MOSMO: variants seen among roughly 807,000 people sequenced by gnomAD.
The protein encoded by MOSMO is modulator of smoothened protein.
MOSMO carries 5 observed loss-of-function variants against 18.4 expected under a neutral mutation model. The ratio of observed to expected loss-of-function variants is 0.27; its 90% CI spans 0.14 to 0.57. The LOEUF (loss-of-function observed/expected upper bound fraction) is 0.57. Ranked by LOEUF, MOSMO falls within the 20% of genes least tolerant of loss-of-function variation. The pLI, the probability that MOSMO is intolerant of heterozygous loss-of-function variation, is 0.92. For synonymous variants in MOSMO, 82 were observed against 82.3 expected (o/e 1.00, Z 0.02); for missense variants, 138 against 211.8 (o/e 0.65, Z 2.16).
chr16:22,055,514 A>AAGG (rs1320727982), intron 1 of MOSMO, among the ~76,000 whole-genome samples: 1 of 152,198 alleles, frequency 6.6e-6, no homozygotes, highest in African/African-American at 2.4e-5. Flanking sequence ...CAAACTTTTA[A>AAGG]AGGAACTAGC....
At chr16:22,088,129 T>G (rs1901222162), downstream of MOSMO, among the ~76,000 whole-genome samples, 1 of 152,048 alleles carries the variant, frequency 6.6e-6, no homozygotes. Context: ...GCTCAAGCGA[T>G]TCACCCACCT....
At chr16:22,020,365 G>C (rs1899733073) in intron 1 of MOSMO, among the ~76,000 whole-genome samples, 1 of 145,358 alleles carries the variant, frequency 6.9e-6, no homozygotes, top group African/African-American at 2.5e-5. Flanking sequence ...CTTGATCTCG[G>C]ATCACTGCAA....
downstream of MOSMO, among the ~76,000 whole-genome samples, chr16:22,086,394 C>T (rs1465835268): frequency 1.3e-5 from 2 of 152,178 alleles, no homozygotes; most frequent in African/African-American, 4.8e-5. Flanking sequence ...ATTCTAGATT[C>T]ACTACAACCT....
rs1162437311 is a variant in MOSMO at position 22,084,446 on chromosome 16, C to CA, written c.*3568dup. On this transcript the variant is annotated 3_prime_UTR_variant, in exon 3 of 3. Transcript: ENST00000542527. ...CACAGGACTTTTAGTTGTATCACCT[C>CA]AAGAGATTTTGAAGTTTGTGATCAA... The CA allele has an allele frequency of 3.9e-5, 6 of 152,250 alleles. No homozygotes were observed. In the East Asian group the frequency reaches 9.6e-4, roughly 24 times the overall value. The allele number at this position is 152,250 out of a possible 1,614,324, so 9.4% of individuals were successfully genotyped here. A position where few individuals can be genotyped will look rare whatever the true frequency, so the allele number is the denominator to read the frequency against.
intron 1 of MOSMO, among the ~76,000 whole-genome samples, chr16:22,042,220 A>G (rs1900223754): frequency 6.6e-6 from 1 of 152,204 alleles, no homozygotes; most frequent in African/African-American, 2.4e-5. Flanking sequence ...TGCAACAGTC[A>G]ACAAAGGATG....
chr16:22,055,627 T>A (rs1324503787), intron 1 of MOSMO, among the ~76,000 whole-genome samples: 1 of 152,216 alleles, frequency 6.6e-6, no homozygotes, highest in South Asian at 2.1e-4. Flanking sequence ...TCCTTCTTTA[T>A]GATGGATGGT....
rs1380703092 is a variant in MOSMO, at chr16:22,084,061, C to T, written c.*3181C>T. 1 of 203,584 alleles carries T rather than the reference C, an allele frequency of 4.9e-6. No homozygotes were observed. Among genetic ancestry groups the T allele is most frequent in the African/African-American group, 2.4e-5 (1 of 41,872 alleles). The allele number at this position is 203,584 out of a possible 1,614,324, so 12.6% of individuals were successfully genotyped here. A position where few individuals can be genotyped will look rare whatever the true frequency, so the allele number is the denominator to read the frequency against. Reference sequence around the variant, plus strand: ...AGCTTTGATATCCCCACTTGATGTTCTGTGAATTCACTGTTTAATCTATTA... The same window carrying T: ...AGCTTTGATATCCCCACTTGATGTTTTGTGAATTCACTGTTTAATCTATTA... On this transcript the variant is annotated 3_prime_UTR_variant, in exon 3 of 3. Coordinates refer to ENST00000542527, the MANE Select transcript of MOSMO (RefSeq NM_001164579.2).
At chr16:22,020,234 A>C (rs1414363416) in intron 1 of MOSMO, among the ~76,000 whole-genome samples, 1 of 149,614 alleles carries the variant, frequency 6.7e-6, no homozygotes, top group Non-Finnish European at 1.5e-5. Context: ...AAAAAGTATC[A>C]GTTGGTTTTT....
chr16:22,047,683 T>C (rs969760208), intron 1 of MOSMO, among the ~76,000 whole-genome samples: 5 of 152,158 alleles, frequency 3.3e-5, no homozygotes, highest in African/African-American at 9.7e-5. Context: ...TATGTAAAAA[T>C]GAAATTGCTA....
chr16:22,022,309 C>T (rs1899781562), intron 1 of MOSMO, among the ~76,000 whole-genome samples: 1 of 152,114 alleles, frequency 6.6e-6, no homozygotes, highest in Non-Finnish European at 1.5e-5. Flanking sequence ...AGGCATGAGC[C>T]ACTGCCCAGG....
Position 22,081,065 on chromosome 16 carries a change from A to T in MOSMO, c.*185A>T, listed in dbSNP as rs1005695669. 31 of 95,326 alleles carry T rather than the reference A, an allele frequency of 3.3e-4. No homozygotes were observed. The highest frequency in any genetic ancestry group is 3.7e-4 in the Non-Finnish European group (20 of 53,636). The allele number at this position is 95,326 out of a possible 1,614,324, so 5.9% of individuals were successfully genotyped here. On this transcript the variant is annotated 3_prime_UTR_variant, in exon 3 of 3. Transcript: ENST00000542527. ...TGTTCTCACTATGCACTTTGGATTT[A>T]AAAAAAAAAAAAAAAAGGAGAGCCT... is the stretch of plus-strand genomic sequence containing the variant.
In MOSMO at chr16:22,083,819, A is replaced by G; in HGVS notation, c.*2939A>G. ...ATACCCAAACATCTGTAAACATGAA[A>G]AATCTTCAATTTATTAAAAGCAAAC... On this transcript the variant is annotated 3_prime_UTR_variant, in exon 3 of 3. Transcript: ENST00000542527. The G allele has an allele frequency of 2.7e-6, 1 of 374,114 alleles. No individual in the cohort carries two copies. Among genetic ancestry groups the G allele is most frequent in the South Asian group, 2.0e-5 (1 of 49,868 alleles). The allele number at this position is 374,114 out of a possible 1,614,324, so 23.2% of individuals were successfully genotyped here.
intron 1 of MOSMO, among the ~76,000 whole-genome samples, chr16:22,048,161 A>C (rs1281890705): frequency 6.6e-6 from 1 of 152,220 alleles, no homozygotes; most frequent in Non-Finnish European, 1.5e-5. Context: ...TTATAGAGCC[A>C]AATTCCCAAA....
At chr16:22,059,250 C>G (rs1900597129) in intron 1 of MOSMO, among the ~76,000 whole-genome samples, 1 of 152,180 alleles carries the variant, frequency 6.6e-6, no homozygotes, top group Admixed American at 6.5e-5. Context: ...TTACTATATT[C>G]TTGTCCTATA....
intron 1 of MOSMO, among the ~76,000 whole-genome samples, chr16:22,052,742 G>T (rs1191752971): frequency 1.3e-5 from 2 of 152,094 alleles, no homozygotes; most frequent in African/African-American, 4.8e-5. Flanking sequence ...CATGTAATAA[G>T]ATTGGATTCC....
At chr16:22,047,350 T>C (rs1200300059) in intron 1 of MOSMO, among the ~76,000 whole-genome samples, 1 of 151,026 alleles carries the variant, frequency 6.6e-6, no homozygotes, top group Non-Finnish European at 1.5e-5. Flanking sequence ...GTTCATGCCA[T>C]TCTCCTGTCT....
rs1461059462 is a variant in MOSMO, at chr16:22,056,411, G to T, written c.107-19076G>T. Among the ~76,000 whole-genome samples the T allele has an allele frequency of 2.7e-5, 3 of 110,102 alleles. No homozygotes were observed. In the East Asian group the frequency reaches 9.0e-4, roughly 33 times the overall value. The allele number at this position is 110,102 out of a possible 152,430, so 72.2% of individuals were successfully genotyped here. On this transcript the variant is annotated intron_variant, in intron 1 of 2. Transcript: ENST00000542527. ...TTTTTGAGACAGTTTCGCTCTTGTC[G>T]CCCAGGCTGGAGTGCAATGGCGCGA...
intron 1 of MOSMO, among the ~76,000 whole-genome samples, chr16:22,058,988 A>T (rs1269728285): frequency 1.3e-5 from 2 of 152,172 alleles, no homozygotes; most frequent in Admixed American, 6.5e-5. Flanking sequence ...TTCTGAACAG[A>T]CTTTGGTTTT....
intron 1 of MOSMO, among the ~76,000 whole-genome samples, chr16:22,052,847 TTAA>T (rs1252344451): frequency 2.0e-5 from 3 of 151,738 alleles, no homozygotes; most frequent in African/African-American, 7.3e-5. Context: ...AAGCAAGGAA[TTAA>T]TAAGCACAAA....
Sources: gnomAD v4.1 joint callset for allele counts (sites outside exome capture counted in the v4.1 genomes callset) on GRCh38, gnomAD v4.1.1 for gene constraint, MANE v1.5 for transcripts, NCBI Gene and HGNC (gene_info 2026-07-23, HGNC 2026-07-21) for gene names.